Variants in BRD8 observed in about 807,000 individuals in gnomAD.
BRD8 encodes the protein bromodomain-containing protein 8.
A neutral mutation model predicts 143.1 loss-of-function variants in BRD8; 67 were observed. The observed-to-expected ratio is 0.47, with a 90% confidence interval of 0.38 to 0.57. BRD8 has a LOEUF of 0.57. Ranked by LOEUF, BRD8 falls within the 20% of genes least tolerant of loss-of-function variation. The pLI, the probability that BRD8 is intolerant of heterozygous loss-of-function variation, is 0.00. For synonymous variants in BRD8, 505 were observed against 517.1 expected (o/e 0.98, Z 0.32); for missense variants, 1,103 against 1,503.0 (o/e 0.73, Z 4.40).
intron 24 of BRD8, 92 bp downstream of exon 24, chr5:138,145,697 A>T: frequency 2.7e-6 from 3 of 1,111,366 alleles, no homozygotes; most frequent in South Asian, 2.7e-5. Context: ...GGCTCATTTG[A>T]GGGATGAACA....
At chr5:138,162,834 T>TA (rs1258814450) in intron 15 of BRD8, among the ~76,000 whole-genome samples, 28 of 151,900 alleles carry the variant, frequency 1.8e-4, no homozygotes, top group Admixed American at 1.7e-3. Context: ...TGGTTTCTAC[T>TA]AAAAAAATTT....
chr5:138,170,778 G>A, intron 6 of BRD8, 54 bp downstream of exon 6: 1 of 1,476,174 alleles, frequency 6.8e-7, no homozygotes, highest in East Asian at 2.3e-5. Flanking sequence ...ATTACTTGAG[G>A]GGAAAAGAGG....
chr5:138,140,678 G>A (rs1192280705), intron 26 of BRD8, 27 bp downstream of exon 26: 1 of 1,606,832 alleles, frequency 6.2e-7, no homozygotes, highest in Non-Finnish European at 8.5e-7. Context: ...CAAGATTCCA[G>A]AGGCTACAGG....
In BRD8 at chr5:138,168,019, C is replaced by T; in HGVS notation, c.702G>A (p.Leu234=). 6.2e-7 allele frequency: 1 copy of T among 1,613,382 alleles called. No homozygotes were observed. Among genetic ancestry groups the T allele is most frequent in the Non-Finnish European group, 8.5e-7 (1 of 1,179,398 alleles). ...SGHLNSTGVL[L]EVGGVLPMIH... ...TCATGGGAAGGACCCCGCCTACCTC[C>T]AGGAGGACACCTGTACTGTTCAGGT... Residue 234 remains leucine (L), a synonymous_variant, in exon 9 of 27, where the codon CTG becomes CTA. Coordinates refer to ENST00000254900, the MANE Select transcript of BRD8 (RefSeq NM_139199.2).
intron 15 of BRD8, 28 bp downstream of exon 15, chr5:138,163,102 C>T (rs573252077): frequency 1.2e-6 from 2 of 1,601,070 alleles, no homozygotes; most frequent in South Asian, 2.2e-5. Flanking sequence ...ACTGCCTTGG[C>T]CTCAAAGAAA....
intron 20 of BRD8, among the ~76,000 whole-genome samples, chr5:138,154,167 ATAGT>A (rs1263659480): frequency 2.0e-5 from 3 of 152,326 alleles, no homozygotes; most frequent in African/African-American, 7.2e-5. Context: ...CTCAACAAAT[ATAGT>A]TATTCTACTC....
In BRD8 at chr5:138,140,166, C is replaced by T. The variant is rs1319496288; in HGVS notation, c.3616G>A (p.Val1206Ile). The change falls in exon 27 of 27, where the codon GTA (valine) becomes ATA (isoleucine). Residue 1206 changes from valine (V) to isoleucine (I), a missense_variant and splice_region_variant. By Grantham distance (29) the Val-to-Ile change is conservative. This residue lies in a region of BRD8 where 369 missense variants were observed against 445.5 expected (regional missense o/e 0.83). Coordinates refer to ENST00000254900, the MANE Select transcript of BRD8 (RefSeq NM_139199.2). ...CTTTTGTCTAACCAGATATTCAGTA[C>T]CTAAAGGGTTAAGGAACACATAGCA... ...MRQEVLEQIQVLNIWLDKRKG... is the reference protein window; with the variant it reads ...MRQEVLEQIQILNIWLDKRKG... The T allele has an allele frequency of 6.2e-7, 1 of 1,607,084 alleles. No homozygotes were observed. The highest frequency in any genetic ancestry group is 1.7e-5 in the Admixed American group (1 of 59,978).
At chr5:138,157,321 AC>A in intron 20 of BRD8, 1 of 1,608,580 alleles carries the variant, frequency 6.2e-7, no homozygotes, top group Non-Finnish European at 8.5e-7. Flanking sequence ...GAGACAAGAG[AC>A]GGTGCAACAG....
At chr5:138,143,446 T>C (rs753210176) in intron 25 of BRD8, among the ~76,000 whole-genome samples, 11 of 152,000 alleles carry the variant, frequency 7.2e-5, no homozygotes, top group Non-Finnish European at 2.9e-5. Flanking sequence ...ACCACTGCAC[T>C]CCAGCAACAG....
At chr5:138,145,655 G>T (rs1374269333) in intron 24 of BRD8, 134 bp downstream of exon 24, 2 of 712,634 alleles carry the variant, frequency 2.8e-6, no homozygotes, top group East Asian at 2.7e-5. Context: ...GGGATAAATC[G>T]GGCTTAGATA....
chr5:138,161,036 A>C lies in BRD8; in HGVS notation c.2282T>G (p.Ile761Arg). Reference protein sequence around the residue: ...PMDLSTIKKNIENGLIRSTAE... With the variant: ...PMDLSTIKKNRENGLIRSTAE... ...TGTGCTTCGGATCAGTCCATTTTCT[A>C]TGTTTTTCTTAATAGTTGACAAATC... The change falls in exon 18 of 27, where the codon ATA (isoleucine) becomes AGA (arginine). Residue 761 changes from isoleucine (I) to arginine (R), a missense_variant. Coordinates refer to ENST00000254900, the MANE Select transcript of BRD8 (RefSeq NM_139199.2). 1 of 1,612,744 alleles carries C rather than the reference A, an allele frequency of 6.2e-7. No individual in the cohort carries two copies. The highest frequency in any genetic ancestry group is 8.5e-7 in the Non-Finnish European group (1 of 1,179,602).
rs1207719637 is a variant in BRD8, at chr5:138,166,733, A to G, written c.788-6T>C. The stretch of plus-strand genomic sequence containing the variant: ...CCGGGAAAGAGTGGGAGCACCTAAC[A>G]TATAAAGAGGTACACAAAATGAAGT... On this transcript the variant is annotated splice_polypyrimidine_tract_variant and splice_region_variant and intron_variant, in intron 9 of 26. Transcript: ENST00000254900. 1.9e-6 allele frequency: 3 copies of G among 1,559,242 alleles called. No homozygotes were observed. The highest frequency in any genetic ancestry group is 2.7e-6 in the Non-Finnish European group (3 of 1,131,138).
chr5:138,147,933 A>G lies in BRD8; in HGVS notation c.3278+1707T>C, dbSNP rs545510047. 2.0e-3 allele frequency among the ~76,000 whole-genome samples: 303 copies of G among 151,144 alleles called. 2 individuals carry two copies. The highest frequency in any genetic ancestry group is 7.0e-3 in the African/African-American group (284 of 40,656). ...AACTTGGGCAACAGAGTGAGATCCT[A>G]TCTCAAAAAAAAAAATTAATATTTT... On this transcript the variant is annotated intron_variant, in intron 23 of 26. Coordinates refer to ENST00000254900, the MANE Select transcript of BRD8 (RefSeq NM_139199.2).
chr5:138,149,869 G>T (rs1752310192), intron 22 of BRD8, 72 bp from the exon 23 acceptor site: 1 of 1,448,264 alleles, frequency 6.9e-7, no homozygotes, highest in Admixed American at 2.4e-5. Flanking sequence ...CTTGCATAGA[G>T]TAAATGAAGG....
chr5:138,142,277 G>A (rs1354425279), intron 25 of BRD8, among the ~76,000 whole-genome samples: 4 of 152,096 alleles, frequency 2.6e-5, no homozygotes, highest in Admixed American at 2.6e-4. Context: ...AACTACCAAT[G>A]CCTTGATCTT....
intron 2 of BRD8, among the ~76,000 whole-genome samples, chr5:138,174,420 C>G (rs1301980903): frequency 6.6e-6 from 1 of 151,848 alleles, no homozygotes; most frequent in Non-Finnish European, 1.5e-5. Context: ...CATGGTAAAA[C>G]CCTATCTCTA....
chr5:138,144,860 C>A (rs1173071178), intron 25 of BRD8, among the ~76,000 whole-genome samples: 1 of 140,086 alleles, frequency 7.1e-6, no homozygotes, highest in Non-Finnish European at 1.5e-5. Context: ...AAGACTGTAC[C>A]ACTGCACTCC....
chr5:138,148,676 T>A (rs560980446), intron 23 of BRD8, among the ~76,000 whole-genome samples: 1 of 152,208 alleles, frequency 6.6e-6, no homozygotes, highest in Admixed American at 6.5e-5. Context: ...GCCTAATTTT[T>A]TCTTTAAAAA....
chr5:138,172,278 A>C, intron 2 of BRD8, 144 bp from the exon 3 acceptor site: 1 of 591,434 alleles, frequency 1.7e-6, no homozygotes, highest in South Asian at 1.9e-5. Flanking sequence ...TAATCCCAGC[A>C]CTTTGGGAGG....
Sources: allele counts gnomAD v4.1 joint callset (sites outside exome capture counted in the v4.1 genomes callset), GRCh38; gene constraint gnomAD v4.1.1; regional missense constraint gnomAD v4.1.1; transcripts MANE v1.5; gene names NCBI Gene and HGNC (gene_info 2026-07-23, HGNC 2026-07-21).